KCNH1: variants seen among roughly 807,000 people sequenced by gnomAD.
KCNH1 encodes potassium voltage-gated channel subfamily H member 1, also known as voltage-gated delayed rectifier potassium channel KCNH1.
A neutral mutation model predicts 69.2 loss-of-function variants in KCNH1; 27 were observed. That is an observed-to-expected ratio of 0.39 (90% CI 0.29 to 0.54). The LOEUF (loss-of-function observed/expected upper bound fraction) is 0.54, where lower values mean the gene tolerates loss of function less well. KCNH1 is among the 20% of genes least tolerant of loss of function. The pLI is 0.68. For synonymous variants in KCNH1, 456 were observed against 487.7 expected, an observed-to-expected ratio of 0.93 and a Z score of 0.86; for missense variants, 798 against 1,261.6, an observed-to-expected ratio of 0.63 and a Z score of 5.57.
chr1:210,981,786 C>A (rs1313881679), intron 6 of KCNH1, among the ~76,000 whole-genome samples: 1 of 152,008 alleles, frequency 6.6e-6, no homozygotes, highest in Non-Finnish European at 1.5e-5. Flanking sequence ...GCTGCAACTG[C>A]CTTCATTTTC....
intron 7 of KCNH1, among the ~76,000 whole-genome samples, chr1:210,909,617 A>G (rs1687185376): frequency 6.6e-6 from 1 of 152,236 alleles, no homozygotes; most frequent in African/African-American, 2.4e-5. Flanking sequence ...ATCCATACCC[A>G]TGCTTGTCTC....
intron 10 of KCNH1, among the ~76,000 whole-genome samples, chr1:210,718,427 T>TATGCATATATTTA: frequency 1.2e-5 from 1 of 83,616 alleles, no homozygotes. Context: ...ATATAAAATA[T>TATGCATATATTTA]ATACATATAT....
intron 6 of KCNH1, among the ~76,000 whole-genome samples, chr1:210,961,186 T>C (rs935703282): frequency 1.3e-5 from 2 of 152,176 alleles, no homozygotes; most frequent in African/African-American, 4.8e-5. Flanking sequence ...GTGTTTGTCT[T>C]ATTGAGTTTT....
chr1:210,996,283 C>A (rs1032856316), intron 6 of KCNH1, among the ~76,000 whole-genome samples: 2 of 152,118 alleles, frequency 1.3e-5, no homozygotes, highest in Admixed American at 6.5e-5. Flanking sequence ...TCACTCCCAC[C>A]CTAATAGTGC....
At chr1:210,793,241 G>A (rs1465203643) in intron 9 of KCNH1, among the ~76,000 whole-genome samples, 1 of 152,156 alleles carries the variant, frequency 6.6e-6, no homozygotes, top group Admixed American at 6.5e-5. Flanking sequence ...TCTGTCCTCA[G>A]AGAACATCAT....
chr1:210,685,470 C>T (rs1054045591), intron 10 of KCNH1, among the ~76,000 whole-genome samples: 1 of 152,158 alleles, frequency 6.6e-6, no homozygotes, highest in Admixed American at 6.5e-5. Context: ...TGGGGAGGCA[C>T]ACGTGGTGGC....
chr1:211,100,803 T>C (rs1199558775), intron 3 of KCNH1, among the ~76,000 whole-genome samples: 3 of 152,238 alleles, frequency 2.0e-5, no homozygotes, highest in Non-Finnish European at 4.4e-5. Context: ...TTTCTGTCCT[T>C]GCTACTCAGA....
intron 7 of KCNH1, among the ~76,000 whole-genome samples, chr1:210,888,533 G>T (rs1686671619): frequency 6.6e-6 from 1 of 152,064 alleles, no homozygotes; most frequent in African/African-American, 2.4e-5. Context: ...TCAAAAGCTA[G>T]CAGAAGACAA....
At chr1:210,747,886 A>T (rs532613354) in intron 10 of KCNH1, among the ~76,000 whole-genome samples, 2 of 152,300 alleles carry the variant, frequency 1.3e-5, no homozygotes, top group Admixed American at 6.5e-5. Flanking sequence ...ATAAATACAT[A>T]AAAAAATCAC....
intron 7 of KCNH1, among the ~76,000 whole-genome samples, chr1:210,817,281 T>A (rs1476081152): frequency 1.3e-5 from 2 of 152,206 alleles, no homozygotes; most frequent in Non-Finnish European, 2.9e-5. Context: ...AATCCTGACT[T>A]TGTTGCTGAG....
At chr1:210,811,877 C>G (rs963561318) in intron 7 of KCNH1, among the ~76,000 whole-genome samples, 1 of 152,244 alleles carries the variant, frequency 6.6e-6, no homozygotes, top group Admixed American at 6.5e-5. Context: ...GGATCTGACT[C>G]CAGCCACACA....
At chr1:210,720,273 G>A (rs1682420402) in intron 10 of KCNH1, among the ~76,000 whole-genome samples, 2 of 152,150 alleles carry the variant, frequency 1.3e-5, no homozygotes, top group South Asian at 4.1e-4. Context: ...TGAGGTATGG[G>A]AACGGGAATT....
intron 6 of KCNH1, among the ~76,000 whole-genome samples, chr1:210,946,727 C>T (rs1034266738): frequency 1.3e-5 from 2 of 152,200 alleles, no homozygotes; most frequent in African/African-American, 2.4e-5. Context: ...TGTTCTCACA[C>T]ACCCGCACTC....
At chr1:211,113,252 C>G (rs1571657119) in intron 1 of KCNH1, among the ~76,000 whole-genome samples, 1 of 152,146 alleles carries the variant, frequency 6.6e-6, no homozygotes, top group African/African-American at 2.4e-5. Flanking sequence ...GTCTATGTGA[C>G]TTCAAAATTT....
At chr1:211,050,156 G>C (rs1690170605) in intron 5 of KCNH1, among the ~76,000 whole-genome samples, 1 of 147,302 alleles carries the variant, frequency 6.8e-6, no homozygotes, top group African/African-American at 2.5e-5. Flanking sequence ...GCACCTATAT[G>C]TGTGTTTCTT....
At chr1:210,824,040 A>G (rs1205323621) in intron 7 of KCNH1, among the ~76,000 whole-genome samples, 3 of 152,098 alleles carry the variant, frequency 2.0e-5, no homozygotes, top group Admixed American at 1.3e-4. Context: ...GCCTCAAGCA[A>G]TCCTCCCACC....
At chr1:210,707,662 C>G (rs1051628498) in intron 10 of KCNH1, among the ~76,000 whole-genome samples, 1 of 152,254 alleles carries the variant, frequency 6.6e-6, no homozygotes, top group East Asian at 1.9e-4. Flanking sequence ...TGCTCCAGCC[C>G]AGTGGCAGGC....
chr1:210,915,753 T>C (rs1165349877), intron 7 of KCNH1, among the ~76,000 whole-genome samples: 1 of 152,190 alleles, frequency 6.6e-6, no homozygotes, highest in Non-Finnish European at 1.5e-5. Flanking sequence ...CTTGAAAATA[T>C]TTAGTTTTCC....
At chr1:210,975,703 A>G (rs1299944738) in intron 6 of KCNH1, among the ~76,000 whole-genome samples, 1 of 152,170 alleles carries the variant, frequency 6.6e-6, no homozygotes, top group Admixed American at 6.6e-5. Flanking sequence ...AGGACTTCAC[A>G]TCTAAAACAC....
Sources: gnomAD v4.1 joint callset for allele counts (sites outside exome capture counted in the v4.1 genomes callset) on GRCh38, gnomAD v4.1.1 for gene constraint, MANE v1.5 for transcripts, NCBI Gene and HGNC (gene_info 2026-07-23, HGNC 2026-07-21) for gene names.